Variants in EYS observed in about 807,000 individuals in gnomAD.
EYS encodes protein eyes shut homolog.
In EYS, 250 loss-of-function variants were observed where a neutral mutation model predicts 282.1. The observed-to-expected ratio is 0.89, with a 90% confidence interval of 0.80 to 0.98. The LOEUF is 0.98. EYS is among the 50% of genes least tolerant of loss of function. The probability of loss-of-function intolerance (pLI) is 0.00; values close to 1 mark genes in which losing one functional copy is unlikely to be tolerated. For missense variants in EYS, 4,016 were observed against 3,709.0 expected (o/e 1.08, Z -2.15); for synonymous variants, 1,355 against 1,282.9 (o/e 1.06, Z -1.20).
intron 12 of EYS, among the ~76,000 whole-genome samples, chr6:65,115,375 A>C (rs2150191847): frequency 6.6e-6 from 1 of 152,098 alleles, no homozygotes; most frequent in South Asian, 2.1e-4. Context: ...GCAATAGCAA[A>C]CTGCATTCTT....
chr6:63,943,491 G>A (rs989561059), intron 35 of EYS, among the ~76,000 whole-genome samples: 1 of 152,144 alleles, frequency 6.6e-6, no homozygotes, highest in East Asian at 1.9e-4. Context: ...ATATATTTAT[G>A]TGTATAAACC....
At chr6:64,658,024 T>A (rs1412396794) in intron 22 of EYS, among the ~76,000 whole-genome samples, 1 of 152,190 alleles carries the variant, frequency 6.6e-6, no homozygotes, top group East Asian at 1.9e-4. Context: ...TTTCACATAG[T>A]CCCATATTTC....
At chr6:64,390,097 A>G (rs1330467844) in intron 28 of EYS, among the ~76,000 whole-genome samples, 4 of 152,190 alleles carry the variant, frequency 2.6e-5, no homozygotes, top group Non-Finnish European at 4.4e-5. Flanking sequence ...ACGAGATTAT[A>G]TCCCGCACCT....
intron 6 of EYS, 51 bp downstream of exon 6, chr6:65,405,123 A>C (rs1315919989): frequency 2.3e-6 from 3 of 1,297,554 alleles, no homozygotes; most frequent in Non-Finnish European, 1.1e-6. Context: ...TTGCTTGGTA[A>C]TAGTAAAAAA....
Position 64,983,994 on chromosome 6 carries a change from T to TA in EYS, c.2259+13587dup, listed in dbSNP as rs551487836. 2.0e-5 allele frequency among the ~76,000 whole-genome samples: 3 copies of TA among 151,486 alleles called. No homozygotes were observed. In the East Asian group the frequency reaches 5.8e-4, roughly 29 times the overall value. On this transcript the variant is annotated intron_variant, in intron 14 of 42. Transcript: ENST00000503581. ...AGCGCTGTCTAAAGTAGGCAGAGAC[T>TA]ACTCAACTCCAGGAATCCTGTTTGT...
chr6:65,386,575 T>C (rs1765812415), intron 7 of EYS, among the ~76,000 whole-genome samples: 1 of 151,924 alleles, frequency 6.6e-6, no homozygotes, highest in African/African-American at 2.4e-5. Context: ...AAAGTTTCAA[T>C]AGTAGCCTTG....
intron 19 of EYS, among the ~76,000 whole-genome samples, chr6:64,841,177 A>G (rs1329618378): frequency 6.6e-6 from 1 of 152,050 alleles, no homozygotes; most frequent in Non-Finnish European, 1.5e-5. Context: ...AGACCTATAG[A>G]AAGAGAAAAG....
intron 1 of EYS, among the ~76,000 whole-genome samples, chr6:65,699,998 C>G (rs1769605646): frequency 6.6e-6 from 1 of 150,836 alleles, no homozygotes; most frequent in South Asian, 2.1e-4. Context: ...GCCTGTAGTC[C>G]CAGCTAGTCG....
chr6:65,217,808 G>C (rs1766353684), intron 12 of EYS, among the ~76,000 whole-genome samples: 1 of 152,034 alleles, frequency 6.6e-6, no homozygotes, highest in Non-Finnish European at 1.5e-5. Flanking sequence ...GAGTTTTCTG[G>C]GATGTGGTCA....
intron 5 of EYS, among the ~76,000 whole-genome samples, chr6:65,468,799 C>A (rs557521869): frequency 2.9e-4 from 44 of 152,058 alleles, no homozygotes; most frequent in African/African-American, 1.1e-3. Flanking sequence ...TCAAGAAAAA[C>A]CAAAACTGAA....
intron 29 of EYS, among the ~76,000 whole-genome samples, chr6:64,359,662 GTAAGAATTCTC>G (rs1340568828): frequency 2.6e-5 from 4 of 151,624 alleles, no homozygotes; most frequent in Non-Finnish European, 5.9e-5. Flanking sequence ...TCGGTTTCTG[GTAAGAATTCTC>G]TTCCTGGCTT....
At chr6:64,703,410 C>CACACACACACACACATAT (rs1447947508) in intron 22 of EYS, among the ~76,000 whole-genome samples, 1 of 51,538 alleles carries the variant, frequency 1.9e-5, no homozygotes, top group Non-Finnish European at 3.7e-5. Context: ...CACACACACA[C>CACACACACACACACATAT]ATATATATAT....
At chr6:65,377,270 C>A (rs1467604322) in intron 8 of EYS, among the ~76,000 whole-genome samples, 2 of 152,054 alleles carry the variant, frequency 1.3e-5, no homozygotes, top group East Asian at 1.9e-4. Context: ...ACTTGCTCCT[C>A]AATGACTCTT....
At chr6:64,460,331 T>C (rs1468860270) in intron 26 of EYS, among the ~76,000 whole-genome samples, 2 of 152,342 alleles carry the variant, frequency 1.3e-5, no homozygotes, top group East Asian at 1.9e-4. Context: ...ATCTAAAAGT[T>C]GATCACTGAT....
intron 12 of EYS, among the ~76,000 whole-genome samples, chr6:65,151,126 T>A (rs1166619193): frequency 6.6e-6 from 1 of 152,020 alleles, no homozygotes; most frequent in African/African-American, 2.4e-5. Context: ...TAAAATAAGT[T>A]TATGACCTAT....
chr6:63,922,739 G>T (rs1350968708), intron 35 of EYS, among the ~76,000 whole-genome samples: 1 of 152,170 alleles, frequency 6.6e-6, no homozygotes, highest in African/African-American at 2.4e-5. Flanking sequence ...TGGTTCTTGT[G>T]GGAGCTAGCC....
At chr6:64,460,678 T>TA (rs1190318293) in intron 26 of EYS, among the ~76,000 whole-genome samples, 1 of 152,242 alleles carries the variant, frequency 6.6e-6, no homozygotes, top group Admixed American at 6.5e-5. Context: ...GCCTATGGTC[T>TA]AATGGTCCTC....
chr6:64,274,486 T>TTTTTTGTTTTG (rs1554224750), intron 30 of EYS, among the ~76,000 whole-genome samples: 1 of 145,952 alleles, frequency 6.9e-6, no homozygotes, highest in African/African-American at 2.7e-5. Flanking sequence ...TGGCCGTTTT[T>TTTTTTGTTTTG]TTTTTTTTTT....
chr6:65,378,872 C>T lies in EYS; in HGVS notation c.1299+5514G>A, dbSNP rs12664594. 1.9e-4 allele frequency among the ~76,000 whole-genome samples: 29 copies of T among 151,508 alleles called. No individual in the cohort carries two copies. The East Asian group carries it at 3.7e-3, about 19-fold the overall frequency. On this transcript the variant is annotated intron_variant, in intron 8 of 42. Coordinates refer to ENST00000503581, the MANE Select transcript of EYS (RefSeq NM_001142800.2). ...AGACAGGGAGGGGAACATCACACAC[C>T]GGGGCCTGTCAGGGGGTGGGGGACT...
Sources: allele counts gnomAD v4.1 joint callset (sites outside exome capture counted in the v4.1 genomes callset), GRCh38; gene constraint gnomAD v4.1.1; transcripts MANE v1.5; gene names NCBI Gene and HGNC (gene_info 2026-07-23, HGNC 2026-07-21).